GTF2I: variants seen among roughly 807,000 people sequenced by gnomAD.
The protein encoded by GTF2I is general transcription factor II-I.
GTF2I carries 12 observed loss-of-function variants against 67.6 expected under a neutral mutation model. The ratio of observed to expected loss-of-function variants is 0.18; its 90% CI spans 0.11 to 0.29. The LOEUF (loss-of-function observed/expected upper bound fraction) is 0.29, where lower values mean the gene tolerates loss of function less well. GTF2I is among the 10% of genes least tolerant of loss of function. GTF2I has a pLI of 1.00. For missense variants in GTF2I, 271 were observed against 580.1 expected, an observed-to-expected ratio of 0.47 and a Z score of 5.47; for synonymous variants, 149 against 197.0, an observed-to-expected ratio of 0.76 and a Z score of 2.04.
At chr7:74,673,018 G>A (rs887583848) in intron 1 of GTF2I, among the ~76,000 whole-genome samples, 4 of 151,992 alleles carry the variant, frequency 2.6e-5, no homozygotes, top group Admixed American at 2.0e-4. Flanking sequence ...GTGCCACCAC[G>A]CCCGGCTAAT....
chr7:74,717,138 A>T, intron 11 of GTF2I, 188 bp downstream of exon 11: 1 of 631,492 alleles, frequency 1.6e-6, no homozygotes, highest in Admixed American at 3.4e-5. Flanking sequence ...GACCATACTG[A>T]TTAATAAAGC....
intron 3 of GTF2I, among the ~76,000 whole-genome samples, chr7:74,693,547 C>T (rs1169650908): frequency 6.6e-6 from 1 of 151,870 alleles, no homozygotes; most frequent in Non-Finnish European, 1.5e-5. Context: ...CCCTGAGACA[C>T]AATATTGAAA....
At chr7:74,714,307 AG>A (rs1554403162) in intron 9 of GTF2I, among the ~76,000 whole-genome samples, 3 of 152,118 alleles carry the variant, frequency 2.0e-5, no homozygotes, top group African/African-American at 7.2e-5. Flanking sequence ...CTGTGCTGGA[AG>A]AAAGGGAGAA....
intron 1 of GTF2I, among the ~76,000 whole-genome samples, chr7:74,669,010 C>T (rs1009914024): frequency 6.6e-6 from 1 of 151,720 alleles, no homozygotes; most frequent in East Asian, 1.9e-4. Flanking sequence ...TGCTGGGATT[C>T]AGGTGTAAGC....
chr7:74,687,335 C>T (rs1787827465), intron 1 of GTF2I, among the ~76,000 whole-genome samples: 1 of 152,146 alleles, frequency 6.6e-6, no homozygotes, highest in Non-Finnish European at 1.5e-5. Flanking sequence ...AGCGATTCTC[C>T]TGCCTCAGCC....
chr7:74,706,381 T>G lies in GTF2I; in HGVS notation c.642-9T>G. 6.2e-7 allele frequency: 1 copy of G among 1,613,160 alleles called. No individual in the cohort carries two copies. ...ACGTGGCTTGATCAGGGCTTTCTTC[T>G]CCTTGCAGTTGTGGCCCCATCAAAG... On this transcript the variant is annotated splice_polypyrimidine_tract_variant and intron_variant, in intron 7 of 34. Coordinates refer to ENST00000573035, the MANE Select transcript of GTF2I (RefSeq NM_032999.4).
At chr7:74,673,758 G>T (rs1289598243) in intron 1 of GTF2I, among the ~76,000 whole-genome samples, 1 of 141,644 alleles carries the variant, frequency 7.1e-6, no homozygotes, top group African/African-American at 2.7e-5. Context: ...TCAGCTCACT[G>T]CAACCTCCAC....
chr7:74,733,761 G>A (rs1794675555), intron 15 of GTF2I, 162 bp from the exon 16 acceptor site: 3 of 245,530 alleles, frequency 1.2e-5, no homozygotes, highest in East Asian at 1.9e-4. Context: ...GCAAAACTCC[G>A]TCTCAGGAAA....
intron 1 of GTF2I, among the ~76,000 whole-genome samples, chr7:74,679,724 C>T (rs956410026): frequency 6.6e-6 from 1 of 152,010 alleles, no homozygotes; most frequent in Non-Finnish European, 1.5e-5. Flanking sequence ...AGGTGTGAGC[C>T]ACCACACCTG....
intron 1 of GTF2I, among the ~76,000 whole-genome samples, chr7:74,669,570 C>T (rs763784344): frequency 6.6e-6 from 1 of 151,292 alleles, no homozygotes; most frequent in East Asian, 1.9e-4. Context: ...GTGTCTCCCT[C>T]TGTTGCCCAG....
At chr7:74,718,053 G>A (rs1278223152) in intron 11 of GTF2I, among the ~76,000 whole-genome samples, 1 of 152,200 alleles carries the variant, frequency 6.6e-6, no homozygotes, top group Admixed American at 6.5e-5. Context: ...TAGATCATGT[G>A]CAGTACGAGG....
At chr7:74,709,328 A>C (rs1285935523) in intron 8 of GTF2I, among the ~76,000 whole-genome samples, 1 of 152,050 alleles carries the variant, frequency 6.6e-6, no homozygotes, top group Non-Finnish European at 1.5e-5. Context: ...GGCTCACCAC[A>C]ACCTCCGTGT....
rs1554396163 is a variant in GTF2I, at chr7:74,689,110, C to T, written c.-5-14C>T. 1 of 1,524,180 alleles carries T rather than the reference C, an allele frequency of 6.6e-7. No individual in the cohort carries two copies. Among genetic ancestry groups the T allele is most frequent in the Non-Finnish European group, 9.1e-7 (1 of 1,098,738 alleles). The allele number at this position is 1,524,180 out of a possible 1,614,324, so 94.4% of individuals were successfully genotyped here. On this transcript the variant is annotated splice_polypyrimidine_tract_variant and intron_variant, in intron 1 of 34. Coordinates refer to ENST00000573035, the MANE Select transcript of GTF2I (RefSeq NM_032999.4). ...ATTTCTACCACTCACTTTCTTCTTA[C>T]TTCTCCTGCACAGGGATCATGGCCC... is the stretch of plus-strand genomic sequence containing the variant.
chr7:74,730,776 G>A (rs1214439484), intron 14 of GTF2I, among the ~76,000 whole-genome samples: 4 of 106,114 alleles, frequency 3.8e-5, no homozygotes, highest in East Asian at 3.3e-4. Context: ...GTACAATCTC[G>A]GCTCATTGCA....
chr7:74,726,197 T>C (rs1289332903), intron 12 of GTF2I, among the ~76,000 whole-genome samples: 1 of 152,180 alleles, frequency 6.6e-6, no homozygotes, highest in Non-Finnish European at 1.5e-5. Context: ...ATACTTTTAT[T>C]TTAGAAGTTA....
chr7:74,695,182 G>C (rs1788768106), intron 3 of GTF2I, among the ~76,000 whole-genome samples: 1 of 152,124 alleles, frequency 6.6e-6, no homozygotes, highest in South Asian at 2.1e-4. Context: ...CCATGCTGGA[G>C]TGCAATGGCG....
In GTF2I at chr7:74,666,811, CAAAAA is replaced by C. The variant is rs61609037; in HGVS notation, c.-6+8758_-6+8762del. Reference sequence around the variant, plus strand: ...TGAAACCCTGTCTCTACTAAAAATACAAAAAAAAAAAAAAAAAAATTAGCCAGGCG... The same window carrying C: ...TGAAACCCTGTCTCTACTAAAAATACAAAAAAAAAAAAAATTAGCCAGGCG... On this transcript the variant is annotated intron_variant, in intron 1 of 34. Transcript: ENST00000573035. 3.9e-5 allele frequency among the ~76,000 whole-genome samples: 5 copies of C among 129,152 alleles called. No individual in the cohort carries two copies. In the East Asian group the frequency reaches 6.8e-4, roughly 18 times the overall value. 84.7% of individuals were successfully genotyped at this position (129,152 alleles called of 152,430 possible). A position where few individuals can be genotyped will look rare whatever the true frequency, so the allele number is the denominator to read the frequency against.
At chr7:74,700,011 T>C in intron 4 of GTF2I, 1 of 446,422 alleles carries the variant, frequency 2.2e-6, no homozygotes, top group Non-Finnish European at 4.0e-6. Context: ...TTGCTCTCTC[T>C]ATGTGTTTTT....
At chr7:74,706,553 A>T in intron 8 of GTF2I, 120 bp downstream of exon 8, 1 of 710,428 alleles carries the variant, frequency 1.4e-6, no homozygotes, top group South Asian at 1.8e-5. Flanking sequence ...AGTCACTACT[A>T]ATGTATTCCA....
Sources: allele counts gnomAD v4.1 joint callset (sites outside exome capture counted in the v4.1 genomes callset), GRCh38; gene constraint gnomAD v4.1.1; transcripts MANE v1.5; gene names NCBI Gene and HGNC (gene_info 2026-07-23, HGNC 2026-07-21).